The following BMAL1 variants were observed in gnomAD, a reference collection of about 807,000 sequenced individuals.
BMAL1 encodes the protein basic helix-loop-helix ARNT-like protein 1.
chr11:13,336,292 A>G, the BMAL1 span, among the ~76,000 whole-genome samples: 2 of 151,984 alleles, frequency 1.3e-5, no homozygotes, highest in South Asian at 4.1e-4. Context: ...CACTCCTCCC[A>G]CCTGTGCATA....
the BMAL1 span, among the ~76,000 whole-genome samples, chr11:13,373,628 T>A: frequency 6.6e-6 from 1 of 152,284 alleles, no homozygotes; most frequent in East Asian, 1.9e-4. Context: ...CACCTCAGCC[T>A]CCCAGGTAGC....
chr11:13,384,795 A>G, the BMAL1 span, among the ~76,000 whole-genome samples: 1 of 152,360 alleles, frequency 6.6e-6, no homozygotes, highest in East Asian at 1.9e-4. Flanking sequence ...TTAAAATACT[A>G]TTCATTATTT....
chr11:13,370,716 C>T, the BMAL1 span, among the ~76,000 whole-genome samples: 1 of 152,190 alleles, frequency 6.6e-6, no homozygotes, highest in African/African-American at 2.4e-5. Context: ...CCCACATGCT[C>T]CCCACCCCCA....
At chr11:13,284,471 T>TGGGAGGCATGGAA in the BMAL1 span, among the ~76,000 whole-genome samples, 1 of 151,650 alleles carries the variant, frequency 6.6e-6, no homozygotes, top group South Asian at 2.1e-4. Context: ...ACCTCAGATT[T>TGGGAGGCATGGAA]GGGAGGCATG....
chr11:13,306,223 G>A, the BMAL1 span, among the ~76,000 whole-genome samples: 3 of 152,184 alleles, frequency 2.0e-5, no homozygotes, highest in African/African-American at 7.2e-5. Flanking sequence ...GGAGGGCCGT[G>A]GAGGCTCAGC....
chr11:13,333,428 A>C, the BMAL1 span, among the ~76,000 whole-genome samples: 1 of 152,216 alleles, frequency 6.6e-6, no homozygotes, highest in Non-Finnish European at 1.5e-5. Flanking sequence ...CACCACTGCC[A>C]CCACCAGATG....
the BMAL1 span, among the ~76,000 whole-genome samples, chr11:13,322,580 A>G: frequency 6.6e-6 from 1 of 152,142 alleles, no homozygotes. Context: ...CCCAGGCCTT[A>G]TGTTAGGTGA....
chr11:13,334,125 A>G, the BMAL1 span, among the ~76,000 whole-genome samples: 8 of 152,060 alleles, frequency 5.3e-5, no homozygotes, highest in African/African-American at 1.4e-4. Context: ...CATTTTACCA[A>G]TGAGGCAACT....
chr11:13,322,692 A>G, the BMAL1 span, among the ~76,000 whole-genome samples: 5 of 146,726 alleles, frequency 3.4e-5, no homozygotes, highest in African/African-American at 1.2e-4. Context: ...TCACCAAGGT[A>G]TGCAGTAGAT....
the BMAL1 span, among the ~76,000 whole-genome samples, chr11:13,282,150 C>G: frequency 6.6e-6 from 1 of 152,148 alleles, no homozygotes; most frequent in Non-Finnish European, 1.5e-5. Flanking sequence ...CCAGGCTGTC[C>G]TAAAAGGCAG....
chr11:13,284,148 A>ATATATATATGTG, the BMAL1 span, among the ~76,000 whole-genome samples: 2 of 31,432 alleles, frequency 6.4e-5, no homozygotes, highest in Non-Finnish European at 1.3e-4. Flanking sequence ...ATATATGTGT[A>ATATATATATGTG]TATATATATA....
At chr11:13,375,236 A>G in the BMAL1 span, among the ~76,000 whole-genome samples, 1 of 152,224 alleles carries the variant, frequency 6.6e-6, no homozygotes, top group African/African-American at 2.4e-5. Flanking sequence ...GTTCTTAGAA[A>G]TGAGATAAGT....
the BMAL1 span, among the ~76,000 whole-genome samples, chr11:13,375,063 G>C: frequency 6.6e-6 from 1 of 152,286 alleles, no homozygotes; most frequent in Non-Finnish European, 1.5e-5. Flanking sequence ...TCAAGGCTCT[G>C]ATCTCTTCTC....
At chr11:13,360,725 A>G in the BMAL1 span, among the ~76,000 whole-genome samples, 4 of 152,244 alleles carry the variant, frequency 2.6e-5, no homozygotes, top group Non-Finnish European at 4.4e-5. Flanking sequence ...TTTCTGCATG[A>G]AGATTTTAGG....
At chr11:13,317,725 A>G in the BMAL1 span, among the ~76,000 whole-genome samples, 36,222 of 152,208 alleles carry the variant, frequency 0.24, 4,737 homozygotes, top group East Asian at 0.47. Flanking sequence ...TGTTAGAAAT[A>G]CTTTCTTAAT....
the BMAL1 span, among the ~76,000 whole-genome samples, chr11:13,299,033 G>A: frequency 1.3e-5 from 2 of 152,208 alleles, no homozygotes; most frequent in Non-Finnish European, 2.9e-5. Context: ...CTTGCTGCTG[G>A]TGGCTGTGGG....
At chr11:13,386,810 A>T in the BMAL1 span, 1 of 1,583,450 alleles carries the variant, frequency 6.3e-7, no homozygotes, top group South Asian at 1.1e-5. Flanking sequence ...TTACTGGTGG[A>T]GTTTTACAGT....
chr11:13,342,664 A>G, the BMAL1 span, among the ~76,000 whole-genome samples: 1 of 152,202 alleles, frequency 6.6e-6, no homozygotes, highest in Non-Finnish European at 1.5e-5. Context: ...GAATAACATC[A>G]TTACAATCCT....
At chr11:13,343,717 C>A in the BMAL1 span, among the ~76,000 whole-genome samples, 1 of 152,196 alleles carries the variant, frequency 6.6e-6, no homozygotes, top group South Asian at 2.1e-4. Context: ...CCTGGGGGAA[C>A]TAGCACTGTT....
Sources: allele counts gnomAD v4.1 joint callset (sites outside exome capture counted in the v4.1 genomes callset), GRCh38; gene constraint gnomAD v4.1.1; transcripts MANE v1.5; gene names NCBI Gene and HGNC (gene_info 2026-07-23, HGNC 2026-07-21).